Variants in ACOT7 observed in about 807,000 individuals in gnomAD.
ACOT7 encodes acyl-CoA thioesterase 7.
ACOT7 carries 12 observed loss-of-function variants against 40.2 expected under a neutral mutation model. The observed-to-expected ratio is 0.30, with a 90% CI of 0.19 to 0.48. The LOEUF (loss-of-function observed/expected upper bound fraction) is 0.48, where lower values mean the gene tolerates loss of function less well. Among genes scored for constraint, ACOT7 ranks in the 20% least tolerant of loss-of-function variants. The pLI, the probability that ACOT7 is intolerant of heterozygous loss-of-function variation, is 0.99. For missense variants in ACOT7, 395 were observed against 530.8 expected, an observed-to-expected ratio of 0.74 and a Z score of 2.51; for synonymous variants, 228 against 219.5, an observed-to-expected ratio of 1.04 and a Z score of -0.34.
At chr1:6,298,107 A>G (rs1230150386) in intron 6 of ACOT7, among the ~76,000 whole-genome samples, 2 of 152,256 alleles carry the variant, frequency 1.3e-5, no homozygotes, top group South Asian at 4.1e-4. Flanking sequence ...TGTTCGGCTC[A>G]ACCTGTGCTG....
intron 5 of ACOT7, among the ~76,000 whole-genome samples, chr1:6,323,276 T>C (rs1406904929): frequency 6.6e-6 from 1 of 152,226 alleles, no homozygotes; most frequent in Non-Finnish European, 1.5e-5. Context: ...AGAAAGGACC[T>C]GTCTTCACCT....
intron 1 of ACOT7, among the ~76,000 whole-genome samples, chr1:6,365,510 C>A (rs937080250): frequency 6.6e-6 from 1 of 152,112 alleles, no homozygotes; most frequent in African/African-American, 2.4e-5. Flanking sequence ...TGGCTCACAC[C>A]TGTAATCCCA....
intron 6 of ACOT7, among the ~76,000 whole-genome samples, chr1:6,315,811 A>AT (rs1553158143): frequency 6.7e-6 from 1 of 149,218 alleles, no homozygotes; most frequent in Non-Finnish European, 1.5e-5. Flanking sequence ...AAATTATTAG[A>AT]TTTTTTTACA....
chr1:6,352,531 G>T lies in ACOT7; in HGVS notation c.144-2665C>A, dbSNP rs117274697. On this transcript the variant is annotated intron_variant, in intron 1 of 8. Transcript: ENST00000361521. The surrounding 1 kb of genome is among the most constrained non-coding windows in gnomAD (Gnocchi z 4.5). ...GACTGCCTCTGTCTAAAGGCAGGCA[G>T]GGGTGAGAGCCAGGGAGCCAGGGAA... is the stretch of plus-strand genomic sequence containing the variant. Among the ~76,000 whole-genome samples, 225 of 152,316 alleles carry T rather than the reference G, an allele frequency of 1.5e-3. 5 individuals carry two copies. In the East Asian group the frequency reaches 0.041, roughly 28 times the overall value.
intron 8 of ACOT7, among the ~76,000 whole-genome samples, chr1:6,267,350 C>T (rs11121546): frequency 0.047 from 7,224 of 152,278 alleles, 467 homozygotes; most frequent in African/African-American, 0.14. Context: ...GCGGAGCCAA[C>T]GCCACCAGCT....
At position 6,288,271 on chromosome 1, in the gene ACOT7, A is replaced by T. The variant is rs145122121; in HGVS notation, c.829+6593T>A. Among the ~76,000 whole-genome samples the T allele has an allele frequency of 3.7e-4, 56 of 152,174 alleles. No individual in the cohort carries two copies. Among genetic ancestry groups the T allele is most frequent in the Middle Eastern group, 6.8e-3 (2 of 294 alleles). On this transcript the variant is annotated intron_variant, in intron 7 of 8. Coordinates refer to ENST00000361521, the MANE Select transcript of ACOT7 (RefSeq NM_007274.4). This position sits in a 1 kb window ranked among gnomAD's most constrained non-coding sequence, Gnocchi z 4.3. Reference sequence around the variant, plus strand: ...CACCAACTCCGTTGCTGGCCTGGGAACTCCACGCGCCTTTGGTGGGTGGGC... The same window carrying T: ...CACCAACTCCGTTGCTGGCCTGGGATCTCCACGCGCCTTTGGTGGGTGGGC...
intron 1 of ACOT7, 27 bp from the exon 2 acceptor site, chr1:6,349,893 G>T: frequency 6.2e-7 from 1 of 1,605,462 alleles, no homozygotes; most frequent in Non-Finnish European, 8.5e-7. Context: ...GCAGGATGAG[G>T]CCTCTGGAGA....
At chr1:6,340,501 C>T (rs765604533) in intron 2 of ACOT7, among the ~76,000 whole-genome samples, 3 of 152,162 alleles carry the variant, frequency 2.0e-5, no homozygotes, top group African/African-American at 7.2e-5. Flanking sequence ...AGAAGGGGAA[C>T]GTCACTCCTC....
In ACOT7 at chr1:6,299,462, T is replaced by C. The variant is rs1035019383; in HGVS notation, c.713-4482A>G. On this transcript the variant is annotated intron_variant, in intron 6 of 8. Transcript: ENST00000361521. The surrounding 1 kb of genome is among the most constrained non-coding windows in gnomAD (Gnocchi z 4.1). ...GGCAAAGGAGGGATCCAGAGGACAG[T>C]TGGCCTCCCCTTACCAGGCACCACA... 1.3e-5 allele frequency among the ~76,000 whole-genome samples: 2 copies of C among 152,016 alleles called. No homozygotes were observed. The highest frequency in any genetic ancestry group is 2.4e-5 in the African/African-American group (1 of 41,380).
intron 1 of ACOT7, 51 bp downstream of exon 1, chr1:6,393,206 C>T: frequency 1.6e-6 from 2 of 1,242,424 alleles, no homozygotes; most frequent in Non-Finnish European, 2.0e-6. Context: ...AGGCCTGGGG[C>T]GGTGACCGGC....
chr1:6,393,524 C>G lies in ACOT7; in HGVS notation c.-125G>C, dbSNP rs1047732575. The G allele has an allele frequency of 1.1e-6, 1 of 892,574 alleles. No individual in the cohort carries two copies. The highest frequency in any genetic ancestry group is 1.8e-5 in the African/African-American group (1 of 56,740). 55.3% of individuals were successfully genotyped at this position (892,574 alleles called of 1,614,324 possible). ...GCCGGCCCCACCCCGAGCCCCGCCTCCCAGGCCGCCAAGGCTGCAGAGAGC... is the reference window on the plus strand; with the variant it reads ...GCCGGCCCCACCCCGAGCCCCGCCTGCCAGGCCGCCAAGGCTGCAGAGAGC... On this transcript the variant is annotated 5_prime_UTR_variant, in exon 1 of 9. Coordinates refer to ENST00000361521, the MANE Select transcript of ACOT7 (RefSeq NM_007274.4).
At position 6,330,040 on chromosome 1, in the gene ACOT7, C is replaced by T. The variant is rs1640913238; in HGVS notation, c.511-2627G>A. On this transcript the variant is annotated intron_variant, in intron 4 of 8. Transcript: ENST00000361521. The surrounding 1 kb of genome is among the most constrained non-coding windows in gnomAD (Gnocchi z 4.6). Reference sequence around the variant, plus strand: ...CTGGGTTCCTCCAGGGAGACGCACACATCCAGGAAACCAGTGTGTGTGTGT... The same window carrying T: ...CTGGGTTCCTCCAGGGAGACGCACATATCCAGGAAACCAGTGTGTGTGTGT... 6.6e-6 allele frequency among the ~76,000 whole-genome samples: 1 copy of T among 152,186 alleles called. No individual in the cohort carries two copies. The highest frequency in any genetic ancestry group is 2.1e-4 in the South Asian group (1 of 4,818).
chr1:6,280,074 A>G (rs1639310655), intron 8 of ACOT7, among the ~76,000 whole-genome samples: 1 of 152,316 alleles, frequency 6.6e-6, no homozygotes, highest in South Asian at 2.1e-4. Context: ...GGGCCTCGAG[A>G]ACCTCTGGAA....
At chr1:6,315,747 T>C (rs1179108358) in intron 6 of ACOT7, among the ~76,000 whole-genome samples, 1 of 97,632 alleles carries the variant, frequency 1.0e-5, no homozygotes, top group Non-Finnish European at 1.8e-5. Flanking sequence ...AGAGTGAGAC[T>C]CTGTCTAAAA....
chr1:6,274,811 C>T lies in ACOT7; in HGVS notation c.1014+6291G>A, dbSNP rs989198650. 6.6e-6 allele frequency among the ~76,000 whole-genome samples: 1 copy of T among 152,136 alleles called. No homozygotes were observed. The highest frequency in any genetic ancestry group is 1.5e-5 in the Non-Finnish European group (1 of 68,014). On this transcript the variant is annotated intron_variant, in intron 8 of 8. Coordinates refer to ENST00000361521, the MANE Select transcript of ACOT7 (RefSeq NM_007274.4). This position sits in a 1 kb window ranked among gnomAD's most constrained non-coding sequence, Gnocchi z 5.9. ...TGAAGCAAAGGCCCTGGGCTGAGCGCGGTGTGGGTGGGCGGCGCAGTGCAG... is the reference window on the plus strand; with the variant it reads ...TGAAGCAAAGGCCCTGGGCTGAGCGTGGTGTGGGTGGGCGGCGCAGTGCAG...
At position 6,352,666 on chromosome 1, in the gene ACOT7, A is replaced by G. The variant is rs2148458385; in HGVS notation, c.144-2800T>C. Among the ~76,000 whole-genome samples the G allele has an allele frequency of 6.7e-6, 1 of 149,370 alleles. No individual in the cohort carries two copies. Among genetic ancestry groups the G allele is most frequent in the East Asian group, 2.0e-4 (1 of 5,090 alleles). ...GAGTGCAGTGGCACGATCTTGGCTC[A>G]CCGCAAGCTCCGCCTCCTGGGTTCT... On this transcript the variant is annotated intron_variant, in intron 1 of 8. Coordinates refer to ENST00000361521, the MANE Select transcript of ACOT7 (RefSeq NM_007274.4). The surrounding 1 kb of genome is among the most constrained non-coding windows in gnomAD (Gnocchi z 4.5).
intron 1 of ACOT7, among the ~76,000 whole-genome samples, chr1:6,361,187 G>A (rs576856397): frequency 3.4e-4 from 52 of 152,238 alleles, no homozygotes; most frequent in African/African-American, 1.2e-3. Flanking sequence ...AGTAATGCAC[G>A]GACCAGCCTT....
Position 6,393,332 on chromosome 1 carries a change from G to A in ACOT7, c.68C>T (p.Pro23Leu). 4 of 1,262,022 alleles carry A rather than the reference G, an allele frequency of 3.2e-6. No individual in the cohort carries two copies. Among genetic ancestry groups the A allele is most frequent in the Non-Finnish European group, 4.0e-6 (4 of 1,003,756 alleles). 78.2% of individuals were successfully genotyped at this position (1,262,022 alleles called of 1,614,324 possible). A position where few individuals can be genotyped will look rare whatever the true frequency, so the allele number is the denominator to read the frequency against. Reference protein sequence around the residue: ...LPDTCALLQPPAASAAAAPSM... With the variant: ...LPDTCALLQPLAASAAAAPSM... The stretch of plus-strand genomic sequence containing the variant: ...GGGGGCTGCGGCGGCGGATGCGGCG[G>A]GCGGCTGCAGAAGGGCGCAGGTGTC... Residue 23 changes from proline (P) to leucine (L), a missense_variant, in exon 1 of 9, where the codon CCC (proline) becomes CTC (leucine). This residue lies in a region of ACOT7 where 86 missense variants were observed against 60.5 expected (regional missense o/e 1.42). Coordinates refer to ENST00000361521, the MANE Select transcript of ACOT7 (RefSeq NM_007274.4).
At chr1:6,361,514 C>T (rs1055516279) in intron 1 of ACOT7, among the ~76,000 whole-genome samples, 1 of 152,192 alleles carries the variant, frequency 6.6e-6, no homozygotes, top group African/African-American at 2.4e-5. Context: ...AAACTACAAA[C>T]AAGGCAGGGT....
Sources: gnomAD v4.1 joint callset for allele counts (sites outside exome capture counted in the v4.1 genomes callset) on GRCh38, gnomAD v4.1.1 for gene constraint, gnomAD v4.1.1 regional missense constraint, Gnocchi (gnomAD v3.1) non-coding constraint, MANE v1.5 for transcripts, NCBI Gene and HGNC (gene_info 2026-07-23, HGNC 2026-07-21) for gene names.